Variants in SLCO5A1 observed in about 807,000 individuals in gnomAD.
SLCO5A1 encodes the protein organic anion transporter polypeptide-related protein 4.
Under a neutral mutation model 65.1 loss-of-function variants are expected in SLCO5A1, and 39 were observed. That is an observed-to-expected ratio of 0.60 (90% CI 0.46 to 0.78). The LOEUF (loss-of-function observed/expected upper bound fraction) is 0.78. SLCO5A1 is among the 30% of genes least tolerant of loss of function. The pLI is 0.00. For synonymous variants in SLCO5A1, 438 were observed against 415.7 expected (o/e 1.05, Z -0.65); for missense variants, 1,029 against 1,069.4 (o/e 0.96, Z 0.53).
chr8:69,827,786 T>G, intron 2 of SLCO5A1, among the ~76,000 whole-genome samples: 1 of 152,244 alleles, frequency 6.6e-6, no homozygotes, highest in South Asian at 2.1e-4. Flanking sequence ...CTGCTCATGT[T>G]CTAAGGATAT....
intron 2 of SLCO5A1, among the ~76,000 whole-genome samples, chr8:69,830,231 C>T (rs1821102975): frequency 6.6e-6 from 1 of 152,188 alleles, no homozygotes; most frequent in Non-Finnish European, 1.5e-5. Flanking sequence ...ATACTGAGGA[C>T]AAAGCATAGC....
At chr8:69,795,086 T>A (rs1361027092) in intron 2 of SLCO5A1, among the ~76,000 whole-genome samples, 1 of 152,130 alleles carries the variant, frequency 6.6e-6, no homozygotes, top group Non-Finnish European at 1.5e-5. Context: ...ACCTCCAACA[T>A]TGGGGATTAC....
intron 2 of SLCO5A1, among the ~76,000 whole-genome samples, chr8:69,800,579 G>A (rs1317934198): frequency 2.6e-5 from 4 of 151,968 alleles, no homozygotes. Flanking sequence ...TTACCAGATA[G>A]CTGTTCTCCC....
At chr8:69,813,270 AC>A (rs745705368) in intron 2 of SLCO5A1, among the ~76,000 whole-genome samples, 54 of 152,226 alleles carry the variant, frequency 3.5e-4, no homozygotes, top group Non-Finnish European at 7.1e-4. Flanking sequence ...AAAACACCTG[AC>A]AAAACCAAGA....
rs1360034728 is a variant in SLCO5A1 at position 69,673,144 on chromosome 8, A to G, written c.2272T>C (p.Tyr758His). ...CCATCCTCCTTGTATTTTATGGAGT[A>G]CCAGGCCAGAAAAATAAAAATAAAC... is the stretch of plus-strand genomic sequence containing the variant. The part of the protein sequence containing the change: ...VGFIFIFLAW[Y>H]SIKYKEDGLQ... The change falls in exon 10 of 10, where the codon TAC becomes CAC. Residue 758 changes from tyrosine (Y) to histidine (H), a missense_variant. Transcript: ENST00000260126. 6.2e-7 allele frequency: 1 copy of G among 1,614,244 alleles called. No individual in the cohort carries two copies. Among genetic ancestry groups the G allele is most frequent in the South Asian group, 1.1e-5 (1 of 91,090 alleles).
chr8:69,762,424 G>A (rs1817840287), intron 2 of SLCO5A1, among the ~76,000 whole-genome samples: 2 of 151,970 alleles, frequency 1.3e-5, no homozygotes, highest in African/African-American at 4.8e-5. Flanking sequence ...CTGACCTCAT[G>A]ATCCACCTGC....
rs192336235 is a variant in SLCO5A1, at chr8:69,788,319, C to G, written c.908-26444G>C. 6.6e-5 allele frequency among the ~76,000 whole-genome samples: 10 copies of G among 152,262 alleles called. No individual in the cohort carries two copies. In the East Asian group the frequency reaches 1.9e-3, roughly 29 times the overall value. ...AAAAACAAAAGACTGTACGAGAGCT[C>G]AAGGTGTTAATACGGAATTGGATGG... On this transcript the variant is annotated intron_variant, in intron 2 of 9. Coordinates refer to ENST00000260126, the MANE Select transcript of SLCO5A1 (RefSeq NM_030958.3).
At chr8:69,690,172 T>C (rs913162611) in intron 6 of SLCO5A1, among the ~76,000 whole-genome samples, 4 of 152,182 alleles carry the variant, frequency 2.6e-5, no homozygotes, top group East Asian at 3.8e-4. Flanking sequence ...CCCGTTCCCT[T>C]GGCTGTGGTT....
At chr8:69,721,914 G>A (rs981152669) in intron 5 of SLCO5A1, among the ~76,000 whole-genome samples, 2 of 152,210 alleles carry the variant, frequency 1.3e-5, no homozygotes, top group Non-Finnish European at 2.9e-5. Context: ...GCTTATGCCT[G>A]TAATCCCAGA....
intron 2 of SLCO5A1, among the ~76,000 whole-genome samples, chr8:69,778,807 C>A (rs1818684961): frequency 1.3e-5 from 2 of 152,082 alleles, no homozygotes; most frequent in South Asian, 4.1e-4. Context: ...TGCAGGGGCA[C>A]CTGACACATC....
intron 6 of SLCO5A1, among the ~76,000 whole-genome samples, chr8:69,694,326 A>G (rs1267373273): frequency 1.3e-5 from 2 of 152,220 alleles, no homozygotes; most frequent in Non-Finnish European, 2.9e-5. Flanking sequence ...AGATAATAAT[A>G]TAAACAGTAG....
chr8:69,790,734 A>G (rs1293240732), intron 2 of SLCO5A1, among the ~76,000 whole-genome samples: 1 of 152,228 alleles, frequency 6.6e-6, no homozygotes, highest in African/African-American at 2.4e-5. Context: ...TTAAACTACA[A>G]TGAACAAGAG....
intron 4 of SLCO5A1, among the ~76,000 whole-genome samples, chr8:69,745,819 A>C (rs1484592812): frequency 6.6e-6 from 1 of 152,224 alleles, no homozygotes; most frequent in Non-Finnish European, 1.5e-5. Context: ...TGCAACCACC[A>C]CATCTATCTA....
At chr8:69,794,408 G>T in intron 2 of SLCO5A1, 1 of 446,632 alleles carries the variant, frequency 2.2e-6, no homozygotes, top group South Asian at 1.9e-5. Context: ...ACACCATCAG[G>T]GTCCAAGGAC....
Position 69,671,670 on chromosome 8 carries a change from A to C in SLCO5A1, c.*1199T>G, listed in dbSNP as rs1387588361. On this transcript the variant is annotated 3_prime_UTR_variant, in exon 10 of 10. Coordinates refer to ENST00000260126, the MANE Select transcript of SLCO5A1 (RefSeq NM_030958.3). ...AGAAACTTACAGTAAGGGGGAATCA[A>C]AGGGTAGTGTAAAACGATTCTATCT... is the stretch of plus-strand genomic sequence containing the variant. 1 of 152,210 alleles carries C rather than the reference A, an allele frequency of 6.6e-6. No homozygotes were observed. Among genetic ancestry groups the C allele is most frequent in the Non-Finnish European group, 1.5e-5 (1 of 68,034 alleles). 9.4% of individuals were successfully genotyped at this position (152,210 alleles called of 1,614,324 possible).
chr8:69,706,068 C>T (rs1814955994), intron 5 of SLCO5A1, among the ~76,000 whole-genome samples: 1 of 152,098 alleles, frequency 6.6e-6, no homozygotes. Context: ...TATGGTATGT[C>T]TATATAAAGG....
chr8:69,742,660 G>T (rs906497373), intron 4 of SLCO5A1, among the ~76,000 whole-genome samples: 1 of 152,062 alleles, frequency 6.6e-6, no homozygotes, highest in Non-Finnish European at 1.5e-5. Context: ...CCATCATCAC[G>T]TGCACACGGA....
intron 2 of SLCO5A1, among the ~76,000 whole-genome samples, chr8:69,829,731 G>A (rs1821080812): frequency 6.6e-6 from 1 of 152,100 alleles, no homozygotes; most frequent in Admixed American, 6.6e-5. Flanking sequence ...ATTTGAATAT[G>A]GCCTGAATAT....
At chr8:69,825,122 G>A (rs1820815657) in intron 2 of SLCO5A1, among the ~76,000 whole-genome samples, 1 of 152,156 alleles carries the variant, frequency 6.6e-6, no homozygotes, top group Non-Finnish European at 1.5e-5. Context: ...TTGATGGGAT[G>A]TATCTCAAAA....
Sources: allele counts gnomAD v4.1 joint callset (sites outside exome capture counted in the v4.1 genomes callset), GRCh38; gene constraint gnomAD v4.1.1; transcripts MANE v1.5; gene names NCBI Gene and HGNC (gene_info 2026-07-23, HGNC 2026-07-21).